The following ISCA1 variants were observed in gnomAD, a reference collection of about 807,000 sequenced individuals.
ISCA1 encodes iron-sulfur cluster assembly 1, also known as iron-sulfur cluster assembly 1 homolog, mitochondrial.
ISCA1 carries 9 observed loss-of-function variants against 14.7 expected under a neutral mutation model. The ratio of observed to expected loss-of-function variants is 0.61; its 90% CI spans 0.37 to 1.07. The LOEUF (loss-of-function observed/expected upper bound fraction) is 1.07. Ranked by LOEUF, ISCA1 falls within the 50% of genes least tolerant of loss-of-function variation. The probability of loss-of-function intolerance (pLI) is 0.01; values close to 1 mark genes in which losing one functional copy is unlikely to be tolerated. For missense variants in ISCA1, 102 were observed against 150.1 expected (o/e 0.68, Z 1.67); for synonymous variants, 38 against 54.3 (o/e 0.70, Z 1.32).
At chr9:86,272,841 CTACA>C (rs1825388474) in intron 2 of ISCA1, among the ~76,000 whole-genome samples, 1 of 152,180 alleles carries the variant, frequency 6.6e-6, no homozygotes, top group Non-Finnish European at 1.5e-5. Flanking sequence ...CAATGTAATG[CTACA>C]TAAACAGTTG....
intron 2 of ISCA1, 141 bp from the exon 3 acceptor site, chr9:86,272,253 A>G (rs982530019): frequency 2.5e-5 from 16 of 649,332 alleles, no homozygotes; most frequent in Non-Finnish European, 3.9e-5. Flanking sequence ...TATGTAGCCC[A>G]GACTGGTCTC....
intron 3 of ISCA1, among the ~76,000 whole-genome samples, chr9:86,268,622 A>G (rs1262750718): frequency 1.3e-5 from 2 of 152,106 alleles, no homozygotes; most frequent in African/African-American, 4.8e-5. Flanking sequence ...CACGCGGACA[A>G]CTTCCAGTCC....
At position 86,271,997 on chromosome 9, in the gene ISCA1, A is replaced by G; in HGVS notation, c.241+10T>C. On this transcript the variant is annotated intron_variant, in intron 3 of 3. Transcript: ENST00000375991. ...ACAATGTGCCCAAAAAATGTTTGTT[A>G]AAAACTCACCATCTTGAATAACTTC... 1 of 1,520,830 alleles carries G rather than the reference A, an allele frequency of 6.6e-7. No individual in the cohort carries two copies. The highest frequency in any genetic ancestry group is 1.1e-5 in the South Asian group (1 of 88,184). The allele number at this position is 1,520,830 out of a possible 1,614,324, so 94.2% of individuals were successfully genotyped here.
intron 2 of ISCA1, 76 bp downstream of exon 2, chr9:86,274,113 C>T (rs1825409470): frequency 2.5e-6 from 2 of 808,462 alleles, no homozygotes; most frequent in East Asian, 4.9e-5. Flanking sequence ...TGAAATAATA[C>T]TGTATATCAT....
intron 3 of ISCA1, among the ~76,000 whole-genome samples, chr9:86,271,659 C>T (rs10512174): frequency 0.45 from 67,673 of 151,980 alleles, 15,248 homozygotes; most frequent in Middle Eastern, 0.59. Flanking sequence ...TTGGACACAA[C>T]GATGATCTTT....
At chr9:86,282,135 G>C (rs1304416259) in intron 1 of ISCA1, 10 of 533,090 alleles carry the variant, frequency 1.9e-5, no homozygotes, top group Non-Finnish European at 3.3e-5. Context: ...CGCGGTTGCC[G>C]CGCGGCCTGA....
intron 1 of ISCA1, chr9:86,281,855 C>CCGG: frequency 6.5e-6 from 1 of 154,260 alleles, no homozygotes; most frequent in East Asian, 1.9e-4. Flanking sequence ...GCGCCGCGGC[C>CCGG]GTGACCTCGG....
Position 86,271,996 on chromosome 9 carries a change from T to TA in ISCA1, c.241+10dup. The TA allele has an allele frequency of 1.3e-6, 2 of 1,520,400 alleles. No homozygotes were observed. 94.2% of individuals were successfully genotyped at this position (1,520,400 alleles called of 1,614,324 possible). A position where few individuals can be genotyped will look rare whatever the true frequency, so the allele number is the denominator to read the frequency against. ...AACAATGTGCCCAAAAAATGTTTGTTAAAAACTCACCATCTTGAATAACTT... is the reference window on the plus strand; with the variant it reads ...AACAATGTGCCCAAAAAATGTTTGTTAAAAAACTCACCATCTTGAATAACTT... On this transcript the variant is annotated intron_variant, in intron 3 of 3. Transcript: ENST00000375991.
At chr9:86,282,176 C>A in intron 1 of ISCA1, 2 of 607,846 alleles carry the variant, frequency 3.3e-6, no homozygotes, top group Non-Finnish European at 2.8e-6. Flanking sequence ...GCCAAGAGAG[C>A]AGCCCCGCCC....
At chr9:86,271,670 C>T (rs557246849) in intron 3 of ISCA1, among the ~76,000 whole-genome samples, 5 of 152,314 alleles carry the variant, frequency 3.3e-5, no homozygotes, top group South Asian at 2.1e-4. Context: ...GATGATCTTT[C>T]ATAGTTAAAA....
At chr9:86,282,040 A>AGCGG (rs1825523799) in intron 1 of ISCA1, 1 of 281,606 alleles carries the variant, frequency 3.6e-6, no homozygotes, top group African/African-American at 2.2e-5. Context: ...GCTTAACCGG[A>AGCGG]ACGGCCGAAC....
intron 2 of ISCA1, among the ~76,000 whole-genome samples, chr9:86,272,337 G>A (rs751788092): frequency 2.0e-5 from 3 of 152,110 alleles, no homozygotes; most frequent in Admixed American, 6.6e-5. Context: ...GAGCCACCCC[G>A]TCCAGCCTGG....
chr9:86,275,297 G>T lies in ISCA1; in HGVS notation c.82-1055C>A, dbSNP rs1415138990. 2.0e-4 allele frequency among the ~76,000 whole-genome samples: 30 copies of T among 152,250 alleles called. 1 individual carries two copies. Among genetic ancestry groups the T allele is most frequent in the African/African-American group, 7.0e-4 (29 of 41,460 alleles). On this transcript the variant is annotated intron_variant, in intron 1 of 3. Coordinates refer to ENST00000375991, the MANE Select transcript of ISCA1 (RefSeq NM_030940.4). ...CTCCTCTAGCTGGCAGTGCTCTGCAGGCCCTCCAGTCCCTTGTACTGACAT... is the reference window on the plus strand; with the variant it reads ...CTCCTCTAGCTGGCAGTGCTCTGCATGCCCTCCAGTCCCTTGTACTGACAT...
intron 3 of ISCA1, among the ~76,000 whole-genome samples, chr9:86,268,226 C>T (rs112310238): frequency 1.6e-3 from 244 of 152,090 alleles, no homozygotes; most frequent in African/African-American, 5.7e-3. Context: ...CCCCTGACGG[C>T]CTTCCAATGG....
chr9:86,278,188 A>G (rs939249762), intron 1 of ISCA1, among the ~76,000 whole-genome samples: 4 of 152,056 alleles, frequency 2.6e-5, no homozygotes, highest in African/African-American at 9.7e-5. Context: ...TTTCTGGGGG[A>G]ACAAAAGATG....
intron 1 of ISCA1, among the ~76,000 whole-genome samples, chr9:86,281,195 C>T (rs758901228): frequency 3.9e-5 from 6 of 152,092 alleles, no homozygotes; most frequent in Non-Finnish European, 5.9e-5. Flanking sequence ...CTTGCTCCTA[C>T]AGAAAAGAGG....
intron 2 of ISCA1, among the ~76,000 whole-genome samples, chr9:86,273,790 T>G (rs139810304): frequency 0.018 from 2,681 of 152,242 alleles, 43 homozygotes; most frequent in Non-Finnish European, 0.024. Context: ...GTTCCACATA[T>G]GTGGATTCTT....
Position 86,282,451 on chromosome 9 carries a change from G to A in ISCA1, c.8C>T (p.Ala3Val), listed in dbSNP as rs755553369. 2 of 1,553,490 alleles carry A rather than the reference G, an allele frequency of 1.3e-6. No homozygotes were observed. Among genetic ancestry groups the A allele is most frequent in the South Asian group, 2.4e-5 (2 of 84,330 alleles). The change falls in exon 1 of 4, where the codon GCT (alanine) becomes GTT (valine). Residue 3 changes from alanine (A) to valine (V), a missense_variant. Coordinates refer to ENST00000375991, the MANE Select transcript of ISCA1 (RefSeq NM_030940.4). ...CCGGACAGTTGCCCGGACTAAGGAA[G>A]CCGACATCTTCGCCGTCCCGGCGCC... is the stretch of plus-strand genomic sequence containing the variant. MSASLVRATVRAV... is the reference protein window; with the variant it reads MSVSLVRATVRAV...
At chr9:86,280,354 G>A (rs1485793429) in intron 1 of ISCA1, among the ~76,000 whole-genome samples, 4 of 152,142 alleles carry the variant, frequency 2.6e-5, no homozygotes, top group Non-Finnish European at 5.9e-5. Flanking sequence ...GGGAGGCTGA[G>A]ACGAGTGGAT....
Sources: gnomAD v4.1 joint callset for allele counts (sites outside exome capture counted in the v4.1 genomes callset) on GRCh38, gnomAD v4.1.1 for gene constraint, MANE v1.5 for transcripts, NCBI Gene and HGNC (gene_info 2026-07-23, HGNC 2026-07-21) for gene names.